PCLO: variants seen among roughly 807,000 people sequenced by gnomAD.
PCLO encodes protein piccolo.
PCLO carries 82 observed loss-of-function variants against 427.5 expected under a neutral mutation model. The observed-to-expected ratio is 0.19, with a 90% CI of 0.16 to 0.23. The LOEUF is 0.23. Among genes scored for constraint, PCLO ranks in the 10% least tolerant of loss-of-function variants. The pLI is 1.00. For synonymous variants in PCLO, 2,357 were observed against 2,155.4 expected (o/e 1.09, Z -2.59); for missense variants, 6,239 against 6,115.9 (o/e 1.02, Z -0.67).
intron 6 of PCLO, among the ~76,000 whole-genome samples, chr7:82,930,847 A>G (rs1794823804): frequency 6.6e-6 from 1 of 152,158 alleles, no homozygotes; most frequent in African/African-American, 2.4e-5. Context: ...AAAGGTAGGA[A>G]GGTTCCTGCA....
intron 2 of PCLO, among the ~76,000 whole-genome samples, chr7:83,151,122 C>T (rs1188767490): frequency 6.6e-6 from 1 of 152,022 alleles, no homozygotes; most frequent in African/African-American, 2.4e-5. Context: ...GAGAAACTGG[C>T]CATTTGGTAG....
At position 82,786,858 on chromosome 7, in the gene PCLO, G is replaced by A. The variant is rs1790995660; in HGVS notation, c.15007+14660C>T. Among the ~76,000 whole-genome samples the A allele has an allele frequency of 3.3e-5, 5 of 151,968 alleles. 1 individual carries two copies. The highest frequency in any genetic ancestry group is 3.3e-4 in the Admixed American group (5 of 15,244). ...ATACGGTGTTTGGTTTTCTGTCCTT[G>A]TGTTAGTTTGCTGAGAATCATGGTT... On this transcript the variant is annotated intron_variant, in intron 22 of 24. Transcript: ENST00000333891.
chr7:82,843,852 G>A (rs970000077), intron 13 of PCLO, among the ~76,000 whole-genome samples: 1 of 151,732 alleles, frequency 6.6e-6, no homozygotes, highest in African/African-American at 2.4e-5. Flanking sequence ...TTTTGGTAGA[G>A]ATGGGGTTTC....
chr7:83,123,956 CAAAAAA>C (rs71074625), intron 3 of PCLO, among the ~76,000 whole-genome samples: 3 of 29,054 alleles, frequency 1.0e-4, no homozygotes, highest in African/African-American at 1.7e-4. Context: ...AACTCTGTCT[CAAAAAA>C]AAAAAAAAAA....
At chr7:82,832,580 T>A (rs1334316721) in intron 16 of PCLO, among the ~76,000 whole-genome samples, 1 of 152,058 alleles carries the variant, frequency 6.6e-6, no homozygotes, top group Non-Finnish European at 1.5e-5. Context: ...GTATATATAC[T>A]TTTAAGGCTG....
At chr7:83,072,594 T>C (rs910752276) in intron 3 of PCLO, among the ~76,000 whole-genome samples, 5 of 152,022 alleles carry the variant, frequency 3.3e-5, no homozygotes, top group African/African-American at 9.7e-5. Context: ...CTCTGAGACC[T>C]TGGCCATATT....
At chr7:83,080,509 A>G (rs2116395044) in intron 3 of PCLO, among the ~76,000 whole-genome samples, 1 of 152,180 alleles carries the variant, frequency 6.6e-6, no homozygotes, top group East Asian at 1.9e-4. Context: ...TTGCCCTCAA[A>G]ATATGTTAAT....
chr7:83,134,727 C>G lies in PCLO; in HGVS notation c.2823G>C (p.Gln941His), dbSNP rs372813487. The G allele has an allele frequency of 6.2e-7, 1 of 1,613,760 alleles. No homozygotes were observed. Among genetic ancestry groups the G allele is most frequent in the African/African-American group, 1.3e-5 (1 of 74,876 alleles). The part of the protein sequence containing the change: ...LFGFGASIFS[Q>H]ASNLISTAGQ... ...CTGCAGTGGAAATTAAATTTGATGC[C>G]TGGCTGAAGATTGATGCTCCAAACC... The change falls in exon 3 of 25, where the codon CAG (glutamine) becomes CAC (histidine). Residue 941 changes from glutamine to histidine, a missense_variant. Physicochemically the swap from Gln to His is conservative, Grantham distance 24. Coordinates refer to ENST00000333891, the MANE Select transcript of PCLO (RefSeq NM_033026.6).
At chr7:82,887,130 C>T (rs1314551734) in intron 9 of PCLO, among the ~76,000 whole-genome samples, 1 of 152,084 alleles carries the variant, frequency 6.6e-6, no homozygotes, top group East Asian at 1.9e-4. Context: ...CTTTAACCAC[C>T]TCCACAACAT....
chr7:82,847,227 T>A lies in PCLO; in HGVS notation c.13675A>T (p.Asn4559Tyr). The A allele has an allele frequency of 1.9e-6, 3 of 1,592,256 alleles. No individual in the cohort carries two copies. The highest frequency in any genetic ancestry group is 2.6e-6 in the Non-Finnish European group (3 of 1,167,388). Reference protein sequence around the residue: ...LMEGMQVLEWNGIPLTSKTYE... With the variant: ...LMEGMQVLEWYGIPLTSKTYE... ...GTTTTAGAAGTCAAGGGAATTCCAT[T>A]CCATTCCAATACTTGCATCCCTAGA... Residue 4559 changes from asparagine (N) to tyrosine (Y), a missense_variant, in exon 11 of 25, where the codon AAT (asparagine) becomes TAT (tyrosine). Physicochemically the swap from Asn to Tyr is moderately radical, Grantham distance 143 (BLOSUM62 -2). Coordinates refer to ENST00000333891, the MANE Select transcript of PCLO (RefSeq NM_033026.6).
chr7:82,901,298 T>G (rs557455435), intron 9 of PCLO, among the ~76,000 whole-genome samples: 1 of 152,024 alleles, frequency 6.6e-6, no homozygotes, highest in East Asian at 1.9e-4. Context: ...CAAAATGTCA[T>G]GAGTCATCTA....
chr7:83,158,924 G>A (rs192135328), intron 1 of PCLO, among the ~76,000 whole-genome samples: 1 of 151,944 alleles, frequency 6.6e-6, no homozygotes, highest in Admixed American at 6.6e-5. Flanking sequence ...AAAACGTAAA[G>A]GTGCTGCTGT....
At position 83,048,842 on chromosome 7, in the gene PCLO, TA is replaced by T. The variant is rs371069632; in HGVS notation, c.3301-82356del. 1.4e-3 allele frequency among the ~76,000 whole-genome samples: 218 copies of T among 152,194 alleles called. 1 individual carries two copies. In the East Asian group the frequency reaches 0.015, roughly 10 times the overall value. ...CTTTATGTTTTTTCAAATTTCAGCT[TA>T]AAAAAACTATTCTGAGCCCACTATA... On this transcript the variant is annotated intron_variant, in intron 3 of 24. Coordinates refer to ENST00000333891, the MANE Select transcript of PCLO (RefSeq NM_033026.6).
At position 82,952,659 on chromosome 7, in the gene PCLO, C is replaced by T. The variant is rs1484454679; in HGVS notation, c.8294G>A (p.Gly2765Glu). The change falls in exon 5 of 25, where the codon GGG (glycine) becomes GAG (glutamate). Residue 2765 changes from glycine (G) to glutamate (E), a missense_variant. Physicochemically the swap from Gly to Glu is moderately conservative, Grantham distance 98. Around this residue, in one of 5 missense-constraint regions of PCLO, gnomAD observed 4,677 missense variants for 4,468.4 expected, o/e 1.05. Coordinates refer to ENST00000333891, the MANE Select transcript of PCLO (RefSeq NM_033026.6). ...GGGTTGGACAGCACTAATTTGTTTC[C>T]CATAAACTTCATTTGCTGTGATCTG... ...KRQITANEVY[G>E]KQISAVQPSI... 1.2e-6 allele frequency: 2 copies of T among 1,613,880 alleles called. No individual in the cohort carries two copies. The highest frequency in any genetic ancestry group is 1.3e-5 in the African/African-American group (1 of 75,020).
Position 82,953,692 on chromosome 7 carries a change from G to T in PCLO, c.7261C>A (p.Pro2421Thr). 1 of 1,083,792 alleles carries T rather than the reference G, an allele frequency of 9.2e-7. No homozygotes were observed. The highest frequency in any genetic ancestry group is 1.3e-6 in the Non-Finnish European group (1 of 755,696). The allele number at this position is 1,083,792 out of a possible 1,614,324, so 67.1% of individuals were successfully genotyped here. A position where few individuals can be genotyped will look rare whatever the true frequency, so the allele number is the denominator to read the frequency against. ...PPPPPPPPPP[P>T]PPPPPLPPPT... ...GGAGGAAGTGGTGGGGGAGGAGGGG[G>T]TGGTGGTGGAGGAGGAGGAGGAGGG... The change falls in exon 5 of 25, where the codon CCC becomes ACC. Residue 2421 changes from proline to threonine, a missense_variant. Physicochemically the swap from Pro to Thr is conservative, Grantham distance 38. This residue lies in a region of PCLO where 4,677 missense variants were observed against 4,468.4 expected (regional missense o/e 1.05). Coordinates refer to ENST00000333891, the MANE Select transcript of PCLO (RefSeq NM_033026.6).
intron 24 of PCLO, 49 bp from the exon 25 acceptor site, chr7:82,758,764 A>G: frequency 8.7e-7 from 1 of 1,152,396 alleles, no homozygotes; most frequent in Non-Finnish European, 1.3e-6. Flanking sequence ...ACACATATAC[A>G]TGTGTATAGT....
chr7:82,772,884 C>G (rs558266496), intron 22 of PCLO, among the ~76,000 whole-genome samples: 1 of 152,096 alleles, frequency 6.6e-6, no homozygotes, highest in Admixed American at 6.6e-5. Context: ...AAATGTTTCA[C>G]TATTACAGAG....
chr7:82,848,910 A>C (rs1184023470), intron 10 of PCLO: 1 of 420,554 alleles, frequency 2.4e-6, no homozygotes, highest in Non-Finnish European at 4.8e-6. Context: ...GGTTTATTTC[A>C]ACAATCCCAG....
chr7:83,046,196 G>A (rs1406965501), intron 3 of PCLO, among the ~76,000 whole-genome samples: 1 of 152,020 alleles, frequency 6.6e-6, no homozygotes, highest in Non-Finnish European at 1.5e-5. Context: ...TCCAGATACA[G>A]TCACATTCTG....
Sources: gnomAD v4.1 joint callset for allele counts (sites outside exome capture counted in the v4.1 genomes callset) on GRCh38, gnomAD v4.1.1 for gene constraint, gnomAD v4.1.1 regional missense constraint, MANE v1.5 for transcripts, NCBI Gene and HGNC (gene_info 2026-07-23, HGNC 2026-07-21) for gene names.